Variants in SLC9A7 observed in about 807,000 individuals in gnomAD.
SLC9A7 encodes solute carrier family 9 member A7, also known as sodium/hydrogen exchanger 7.
SLC9A7 carries 19 observed loss-of-function variants against 52.6 expected under a neutral mutation model. That is an observed-to-expected ratio of 0.36 (90% confidence interval 0.25 to 0.53). SLC9A7 has a LOEUF of 0.53. Ranked by LOEUF, SLC9A7 falls within the 20% of genes least tolerant of loss-of-function variation. The probability of loss-of-function intolerance (pLI) is 0.91; values close to 1 mark genes in which losing one functional copy is unlikely to be tolerated. For missense variants in SLC9A7, 455 were observed against 597.9 expected (o/e 0.76, Z 2.49); for synonymous variants, 226 against 252.1 (o/e 0.90, Z 0.98).
intron 6 of SLC9A7, 92 bp from the exon 7 acceptor site, chrX:46,662,249 A>C: frequency 6.7e-6 from 6 of 890,629 alleles, no homozygotes; most frequent in Non-Finnish European, 9.3e-6. Context: ...GTCTATCTAC[A>C]TTTTGTCAAG....
At chrX:46,722,486 C>A (rs183124857) in intron 1 of SLC9A7, among the ~76,000 whole-genome samples, 1 of 112,125 alleles carries the variant, frequency 8.9e-6, no homozygotes, top group Non-Finnish European at 1.9e-5. Flanking sequence ...ACTCCAAATA[C>A]CTTAGTTACC....
intron 5 of SLC9A7, among the ~76,000 whole-genome samples, chrX:46,665,557 C>CAAAAA (rs754854403): frequency 4.6e-4 from 10 of 21,690 alleles, no homozygotes; most frequent in Non-Finnish European, 7.7e-4. Context: ...GACTCCATCT[C>CAAAAA]AAAAAAAAAA....
intron 1 of SLC9A7, among the ~76,000 whole-genome samples, chrX:46,730,670 T>TAATATA (rs1491295251): frequency 9.3e-5 from 4 of 42,928 alleles, no homozygotes; most frequent in African/African-American, 2.6e-4. Context: ...AAAAAAAAAA[T>TAATATA]TATATATATA....
At chrX:46,692,209 C>T (rs1316285360) in intron 1 of SLC9A7, among the ~76,000 whole-genome samples, 1 of 111,483 alleles carries the variant, frequency 9.0e-6, no homozygotes, top group East Asian at 2.8e-4. Flanking sequence ...ATGGGCTAAA[C>T]CTGAAGTGTG....
At position 46,676,425 on chromosome X, in the gene SLC9A7, G is replaced by A. The variant is rs1018636318; in HGVS notation, c.603+3253C>T. 6.3e-5 allele frequency among the ~76,000 whole-genome samples: 7 copies of A among 111,723 alleles called. No homozygotes were observed. The Admixed American group carries it at 6.6e-4, about 11-fold the overall frequency. On this transcript the variant is annotated intron_variant, in intron 3 of 16. Coordinates refer to ENST00000616978, the MANE Select transcript of SLC9A7 (RefSeq NM_001257291.2). ...AGAGCAGAGAAAAACCAATTTGTGA[G>A]TTTTTTCCCACTCAGGCTAGCATCT...
At chrX:46,644,227 C>G (rs766446979) in intron 11 of SLC9A7, among the ~76,000 whole-genome samples, 15 of 112,143 alleles carry the variant, frequency 1.3e-4, no homozygotes, top group African/African-American at 4.9e-4. Flanking sequence ...TTTGCTGGTA[C>G]CTGATCTGCA....
At chrX:46,678,794 T>C (rs1944164347) in intron 3 of SLC9A7, among the ~76,000 whole-genome samples, 1 of 111,912 alleles carries the variant, frequency 8.9e-6, no homozygotes, top group Non-Finnish European at 1.9e-5. Context: ...AAAGATTAAG[T>C]ACAGAGAGGT....
intron 7 of SLC9A7, among the ~76,000 whole-genome samples, chrX:46,659,079 C>G (rs1569511921): frequency 1.8e-5 from 2 of 110,813 alleles, no homozygotes. Flanking sequence ...ATACGCAAAT[C>G]AATAAATGTA....
At chrX:46,625,006 G>A (rs1393025925) in intron 14 of SLC9A7, among the ~76,000 whole-genome samples, 1 of 111,708 alleles carries the variant, frequency 9.0e-6, no homozygotes, top group African/African-American at 3.3e-5. Flanking sequence ...TGAAGGTGGC[G>A]AGGGTTGGGG....
At chrX:46,653,296 G>A (rs1022636806) in intron 8 of SLC9A7, among the ~76,000 whole-genome samples, 2 of 111,361 alleles carry the variant, frequency 1.8e-5, no homozygotes, top group African/African-American at 6.5e-5. Flanking sequence ...TTGGGAGGGT[G>A]AAGGGGGAAG....
intron 1 of SLC9A7, among the ~76,000 whole-genome samples, chrX:46,712,804 T>C (rs186950464): frequency 2.7e-4 from 30 of 112,338 alleles, no homozygotes; most frequent in African/African-American, 9.0e-4. Flanking sequence ...ATTTACAAAA[T>C]GTTTGAGTCA....
intron 1 of SLC9A7, among the ~76,000 whole-genome samples, chrX:46,690,109 A>G (rs1389943773): frequency 8.9e-6 from 1 of 112,215 alleles, no homozygotes; most frequent in Non-Finnish European, 1.9e-5. Flanking sequence ...ATGCACACGT[A>G]TGTTTACTGC....
intron 1 of SLC9A7, among the ~76,000 whole-genome samples, chrX:46,687,088 TC>T (rs1483364685): frequency 2.7e-5 from 3 of 112,363 alleles, no homozygotes; most frequent in Non-Finnish European, 5.6e-5. Context: ...AGAAACCAGC[TC>T]CCATTGGTCT....
At chrX:46,617,377 C>G in intron 15 of SLC9A7, among the ~76,000 whole-genome samples, 1 of 111,706 alleles carries the variant, frequency 9.0e-6, no homozygotes. Context: ...CCTCATGTCT[C>G]TATTTAGTTT....
chrX:46,624,503 A>C (rs1943093946), intron 14 of SLC9A7, among the ~76,000 whole-genome samples: 1 of 112,608 alleles, frequency 8.9e-6, no homozygotes. Context: ...GAACTGTAAA[A>C]GATTTTTCAT....
chrX:46,725,734 C>G (rs1358972002), intron 1 of SLC9A7: 2 of 1,120,101 alleles, frequency 1.8e-6, no homozygotes, highest in Admixed American at 2.2e-5. Context: ...TCAATGGATT[C>G]TGCCCTGCTG....
Position 46,606,907 on chromosome X carries a change from C to A in SLC9A7, c.*45G>T. ...ACACTAGGGCTTGCAGCTGTCCTCA[C>A]CCCATCGGGAGCCTACCCCATCGCG... On this transcript the variant is annotated 3_prime_UTR_variant, in exon 17 of 17. Coordinates refer to ENST00000616978, the MANE Select transcript of SLC9A7 (RefSeq NM_001257291.2). 8.3e-7 allele frequency: 1 copy of A among 1,208,189 alleles called. No homozygotes were observed. Among genetic ancestry groups the A allele is most frequent in the Non-Finnish European group, 1.1e-6 (1 of 893,304 alleles).
intron 16 of SLC9A7, among the ~76,000 whole-genome samples, chrX:46,610,781 A>G (rs1430968433): frequency 1.8e-5 from 2 of 112,258 alleles, no homozygotes; most frequent in African/African-American, 6.5e-5. Context: ...AATTGATGCA[A>G]TTGTAAGCTT....
intron 2 of SLC9A7, 122 bp from the exon 3 acceptor site, chrX:46,679,877 G>T: frequency 2.1e-6 from 1 of 478,455 alleles, no homozygotes; most frequent in Non-Finnish European, 3.5e-6. Context: ...CAACATAAAT[G>T]TGAAAAATCA....
Sources: gnomAD v4.1 joint callset for allele counts (sites outside exome capture counted in the v4.1 genomes callset) on GRCh38, gnomAD v4.1.1 for gene constraint, MANE v1.5 for transcripts, NCBI Gene and HGNC (gene_info 2026-07-23, HGNC 2026-07-21) for gene names.